Variants in APBB2 observed in about 807,000 individuals in gnomAD.
APBB2 encodes the protein amyloid beta precursor protein binding family B member 2.
Under a neutral mutation model 82.5 loss-of-function variants are expected in APBB2, and 38 were observed. The ratio of observed to expected loss-of-function variants is 0.46; its 90% CI spans 0.36 to 0.60. The LOEUF is 0.60. APBB2 is among the 20% of genes least tolerant of loss of function. The pLI is 0.00. For missense variants in APBB2, 772 were observed against 972.3 expected, an observed-to-expected ratio of 0.79 and a Z score of 2.74; for synonymous variants, 341 against 368.2, an observed-to-expected ratio of 0.93 and a Z score of 0.85.
intron 1 of APBB2, among the ~76,000 whole-genome samples, chr4:41,213,164 A>C (rs767423060): frequency 2.6e-5 from 4 of 152,122 alleles, no homozygotes; most frequent in Non-Finnish European, 5.9e-5. Context: ...TTTTTTTTAA[A>C]TCAGTGAAAT....
chr4:40,953,666 C>T (rs1258125476), intron 6 of APBB2, among the ~76,000 whole-genome samples: 1 of 152,180 alleles, frequency 6.6e-6, no homozygotes, highest in Non-Finnish European at 1.5e-5. Flanking sequence ...GTGCTAGAAG[C>T]CTTAAAGATC....
chr4:41,093,450 T>A (rs977438295), intron 3 of APBB2, among the ~76,000 whole-genome samples: 1 of 150,776 alleles, frequency 6.6e-6, no homozygotes, highest in Admixed American at 6.6e-5. Flanking sequence ...TGGATAAGGA[T>A]TTTTTTTTTC....
intron 10 of APBB2, among the ~76,000 whole-genome samples, chr4:40,928,808 C>T (rs1038026535): frequency 2.7e-5 from 4 of 150,908 alleles, no homozygotes; most frequent in Non-Finnish European, 5.9e-5. Flanking sequence ...TCACTTGAAC[C>T]CAGAAGGCGG....
At chr4:41,152,989 A>T (rs1762645526) in intron 1 of APBB2, among the ~76,000 whole-genome samples, 1 of 152,184 alleles carries the variant, frequency 6.6e-6, no homozygotes, top group East Asian at 1.9e-4. Context: ...CAAATTTTGG[A>T]ATATTCTGCA....
intron 3 of APBB2, among the ~76,000 whole-genome samples, chr4:41,067,644 G>C (rs1321696855): frequency 6.6e-6 from 1 of 152,168 alleles, no homozygotes; most frequent in East Asian, 1.9e-4. Context: ...ACACATAACA[G>C]AATGTGCAGA....
chr4:41,046,091 G>A (rs1723342785), intron 4 of APBB2, among the ~76,000 whole-genome samples: 1 of 152,116 alleles, frequency 6.6e-6, no homozygotes, highest in African/African-American at 2.4e-5. Flanking sequence ...CAATAAAGAA[G>A]TGCCCTCTCC....
chr4:40,839,956 C>T (rs186461138), intron 12 of APBB2, among the ~76,000 whole-genome samples: 9 of 152,304 alleles, frequency 5.9e-5, no homozygotes, highest in South Asian at 2.1e-4. Flanking sequence ...TGAGCCATTG[C>T]GCCTGGCCCC....
chr4:40,935,354 T>G, intron 7 of APBB2: 1 of 506,222 alleles, frequency 2.0e-6, no homozygotes, highest in Non-Finnish European at 3.4e-6. Context: ...GGTGCTTTAA[T>G]TACTTACCAA....
At chr4:40,887,287 C>T (rs979778528) in intron 12 of APBB2, among the ~76,000 whole-genome samples, 3 of 152,208 alleles carry the variant, frequency 2.0e-5, no homozygotes, top group African/African-American at 7.2e-5. Context: ...TCTGAAATTA[C>T]GTGGCTCAGG....
At chr4:40,920,331 G>A (rs1265387640) in intron 10 of APBB2, among the ~76,000 whole-genome samples, 1 of 152,202 alleles carries the variant, frequency 6.6e-6, no homozygotes, top group South Asian at 2.1e-4. Context: ...GGAACAGTGA[G>A]TCCATTAAAC....
chr4:41,050,215 C>CT (rs1238959492), intron 4 of APBB2, among the ~76,000 whole-genome samples: 2 of 152,242 alleles, frequency 1.3e-5, no homozygotes, highest in Non-Finnish European at 2.9e-5. Flanking sequence ...CACTTAGATT[C>CT]TCCCTCCCTC....
intron 4 of APBB2, among the ~76,000 whole-genome samples, chr4:41,036,713 G>T (rs1719331212): frequency 6.6e-6 from 1 of 152,174 alleles, no homozygotes; most frequent in Admixed American, 6.5e-5. Flanking sequence ...TGCAATTTGA[G>T]GACCAACTAG....
At chr4:41,050,149 C>T (rs1409538053) in intron 4 of APBB2, among the ~76,000 whole-genome samples, 1 of 152,120 alleles carries the variant, frequency 6.6e-6, no homozygotes, top group Non-Finnish European at 1.5e-5. Context: ...AAATATTTAC[C>T]TCACATGGTT....
chr4:41,161,862 T>C (rs1765256102), intron 1 of APBB2, among the ~76,000 whole-genome samples: 1 of 152,156 alleles, frequency 6.6e-6, no homozygotes, highest in South Asian at 2.1e-4. Context: ...TTTCCGCTTA[T>C]TATAGAAACT....
intron 5 of APBB2, among the ~76,000 whole-genome samples, chr4:41,014,740 A>C (rs1809391066): frequency 6.6e-6 from 1 of 152,182 alleles, no homozygotes; most frequent in African/African-American, 2.4e-5. Flanking sequence ...TTGAAAAATC[A>C]TCCCCTTTCC....
rs34591003 is a variant in APBB2, at chr4:40,870,734, C to CTT, written c.1529+19628_1529+19629dup. On this transcript the variant is annotated intron_variant, in intron 12 of 17. Transcript: ENST00000508593. Reference sequence around the variant, plus strand: ...ATGTGTGTGTGTGTGTATACACACTCTTTTTTTTTTTTTTTTTGGAGACCA... The same window carrying CTT: ...ATGTGTGTGTGTGTGTATACACACTCTTTTTTTTTTTTTTTTTTTGGAGACCA... 1.3e-3 allele frequency among the ~76,000 whole-genome samples: 166 copies of CTT among 130,610 alleles called. No individual in the cohort carries two copies. The East Asian group carries it at 0.013, about 10-fold the overall frequency. 85.7% of individuals were successfully genotyped at this position (130,610 alleles called of 152,430 possible).
intron 4 of APBB2, among the ~76,000 whole-genome samples, chr4:41,054,514 ATT>A (rs1350079815): frequency 6.6e-6 from 1 of 152,208 alleles, no homozygotes; most frequent in African/African-American, 2.4e-5. Flanking sequence ...TTGTGTCTCC[ATT>A]TTGAGTCTCC....
chr4:40,941,548 C>A (rs957245706), intron 7 of APBB2, among the ~76,000 whole-genome samples: 1 of 152,244 alleles, frequency 6.6e-6, no homozygotes, highest in Non-Finnish European at 1.5e-5. Flanking sequence ...AACTCCTCAA[C>A]CTCTCTGTCT....
chr4:41,097,985 A>C (rs1744116946), intron 3 of APBB2, among the ~76,000 whole-genome samples: 2 of 151,998 alleles, frequency 1.3e-5, no homozygotes, highest in Admixed American at 6.6e-5. Context: ...TTATGACTTT[A>C]ATAAATATCA....
Sources: allele counts gnomAD v4.1 joint callset (sites outside exome capture counted in the v4.1 genomes callset), GRCh38; gene constraint gnomAD v4.1.1; transcripts MANE v1.5; gene names NCBI Gene and HGNC (gene_info 2026-07-23, HGNC 2026-07-21).